The following JAK1 variants were observed in gnomAD, a reference collection of about 807,000 sequenced individuals.
JAK1 encodes the protein Janus kinase 1.
Under a neutral mutation model 136.6 loss-of-function variants are expected in JAK1, and 16 were observed. The observed-to-expected ratio is 0.12, with a 90% CI of 0.08 to 0.18. The LOEUF is 0.18. JAK1 is among the 10% of genes least tolerant of loss of function. The pLI is 1.00. For synonymous variants in JAK1, 492 were observed against 519.5 expected (o/e 0.95, Z 0.72); for missense variants, 859 against 1,450.1 (o/e 0.59, Z 6.62).
chr1:64,970,133 T>TAAAAAAA (rs1557735828), upstream of JAK1, among the ~76,000 whole-genome samples: 2 of 542 alleles, frequency 3.7e-3, no homozygotes, highest in Non-Finnish European at 5.2e-3. Context: ...AGACCCTGTC[T>TAAAAAAA]CAAAAAAAAA....
At chr1:65,063,804 C>CA (rs370192253) in intron 1 of JAK1, among the ~76,000 whole-genome samples, 6,635 of 80,742 alleles carry the variant, frequency 0.082, 231 homozygotes, top group Admixed American at 0.13. Flanking sequence ...GACTCTATCT[C>CA]AAAAAAAAAA....
chr1:64,846,650 C>T lies in JAK1; in HGVS notation c.1986G>A (p.Glu662=), dbSNP rs2101007814. The part of the protein sequence containing the change: ...YLYGVCVRDV[E]NIMVEEFVEG... The stretch of plus-strand genomic sequence containing the variant: ...CCCTTTGAAAGAGAACACACTTACT[C>T]TCCACGTCGCGGACACAGACGCCAT... Residue 662 remains glutamate, a splice_region_variant and synonymous_variant, in exon 14 of 25, where the codon GAG becomes GAA. Transcript: ENST00000342505. 1 of 1,613,004 alleles carries T rather than the reference C, an allele frequency of 6.2e-7. No homozygotes were observed. Among genetic ancestry groups the T allele is most frequent in the South Asian group, 1.1e-5 (1 of 90,970 alleles).
At chr1:64,944,581 C>G (rs1645949650) in intron 1 of JAK1, among the ~76,000 whole-genome samples, 1 of 152,110 alleles carries the variant, frequency 6.6e-6, no homozygotes, top group African/African-American at 2.4e-5. Flanking sequence ...TCCAGGAACA[C>G]AGAATCACGG....
chr1:64,838,413 AGG>A, intron 21 of JAK1, 50 bp downstream of exon 21: 1 of 1,589,102 alleles, frequency 6.3e-7, no homozygotes, highest in South Asian at 1.1e-5. Context: ...CCAATTACCC[AGG>A]ACAGAGTGCC....
chr1:65,045,138 A>G (rs1647172902), intron 1 of JAK1, among the ~76,000 whole-genome samples: 1 of 152,206 alleles, frequency 6.6e-6, no homozygotes, highest in Admixed American at 6.5e-5. Context: ...CACACTCACC[A>G]TGAGTTCTTG....
intron 3 of JAK1, 66 bp from the exon 4 acceptor site, chr1:64,879,214 C>A (rs2101218693): frequency 2.5e-6 from 4 of 1,578,596 alleles, no homozygotes; most frequent in Non-Finnish European, 3.5e-6. Context: ...TGTTTCTAAA[C>A]CCAATATATG....
chr1:64,994,703 G>A (rs1388956465), intron 2 of JAK1, among the ~76,000 whole-genome samples: 4 of 152,096 alleles, frequency 2.6e-5, no homozygotes, highest in African/African-American at 4.8e-5. Flanking sequence ...CATTCAAACC[G>A]CAACAGAACA....
At chr1:64,949,689 T>A (rs1218371221) in intron 1 of JAK1, among the ~76,000 whole-genome samples, 1 of 152,242 alleles carries the variant, frequency 6.6e-6, no homozygotes, top group Non-Finnish European at 1.5e-5. Context: ...AGCAGCTTCC[T>A]GCCAATGTTT....
chr1:64,866,974 T>C lies in JAK1; in HGVS notation c.882A>G (p.Ser294=), dbSNP rs760389234. The C allele has an allele frequency of 1.2e-6, 2 of 1,614,118 alleles. No individual in the cohort carries two copies. The highest frequency in any genetic ancestry group is 1.7e-6 in the Non-Finnish European group (2 of 1,180,030). The part of the protein sequence containing the change: ...EIFETSMLLI[S]SENEMNWFHS... Reference sequence around the variant, plus strand: ...GAAACCAATTCATCTCATTTTCTGATGAAATCAGTAACATGGAAGTCTCAA... The same window carrying C: ...GAAACCAATTCATCTCATTTTCTGACGAAATCAGTAACATGGAAGTCTCAA... Residue 294 remains serine, a synonymous_variant, in exon 7 of 25, where the codon TCA becomes TCG. Transcript: ENST00000342505.
chr1:64,891,829 G>A (rs1394280756), intron 1 of JAK1, among the ~76,000 whole-genome samples: 1 of 152,190 alleles, frequency 6.6e-6, no homozygotes, highest in African/African-American at 2.4e-5. Context: ...TGCCACTCCT[G>A]CCACACAGAA....
intron 2 of JAK1, among the ~76,000 whole-genome samples, chr1:65,006,478 C>T (rs1350684285): frequency 6.6e-6 from 1 of 152,188 alleles, no homozygotes; most frequent in East Asian, 1.9e-4. Context: ...CTGCCTCAGC[C>T]TCCTGAGTAG....
At chr1:64,940,093 GCAGGCACTACACA>G (rs1645860937) in intron 1 of JAK1, among the ~76,000 whole-genome samples, 1 of 152,086 alleles carries the variant, frequency 6.6e-6, no homozygotes, top group South Asian at 2.1e-4. Context: ...TCCTATGAGA[GCAGGCACTACACA>G]CAGGCATACT....
chr1:64,928,787 A>AAAAAAAAAAAAAAAAAC (rs1645631562), intron 1 of JAK1, among the ~76,000 whole-genome samples: 11 of 92,468 alleles, frequency 1.2e-4, no homozygotes, highest in Admixed American at 2.4e-4. Flanking sequence ...GCAAAAAAAA[A>AAAAAAAAAAAAAAAAAC]AAAAAAAAAC....
chr1:65,031,458 A>G (rs942143987), intron 2 of JAK1, among the ~76,000 whole-genome samples: 1 of 152,172 alleles, frequency 6.6e-6, no homozygotes, highest in Non-Finnish European at 1.5e-5. Context: ...GTCAATGAAA[A>G]GCTGAGGAAC....
chr1:65,044,706 A>C (rs1015964109), intron 1 of JAK1, among the ~76,000 whole-genome samples: 1 of 152,184 alleles, frequency 6.6e-6, no homozygotes, highest in Non-Finnish European at 1.5e-5. Flanking sequence ...GCCAACGGCA[A>C]GGGGAGAGAT....
At chr1:64,955,648 T>A (rs997070397) in intron 1 of JAK1, among the ~76,000 whole-genome samples, 1 of 152,228 alleles carries the variant, frequency 6.6e-6, no homozygotes, top group Non-Finnish European at 1.5e-5. Flanking sequence ...TAAAGGCTTG[T>A]GATCAGTAGT....
chr1:64,940,568 C>T lies in JAK1; in HGVS notation c.-78+25765G>A, dbSNP rs993421246. ...TGGGGCTCAAGTGATCTGCCCACCT[C>T]GGCCTCCCAAACTGCTGGGGTTACA... On this transcript the variant is annotated intron_variant, in intron 1 of 24. Coordinates refer to ENST00000342505, the MANE Select transcript of JAK1 (RefSeq NM_002227.4). 3.3e-5 allele frequency among the ~76,000 whole-genome samples: 5 copies of T among 152,202 alleles called. No individual in the cohort carries two copies. The East Asian group carries it at 5.8e-4, about 18-fold the overall frequency.
intron 1 of JAK1, among the ~76,000 whole-genome samples, chr1:64,935,501 A>G (rs1486573080): frequency 6.6e-6 from 1 of 152,044 alleles, no homozygotes; most frequent in Admixed American, 6.5e-5. Context: ...GGGTTTCGCC[A>G]TGTTGGTCAG....
intron 3 of JAK1, among the ~76,000 whole-genome samples, 200 bp from the exon 4 acceptor site, chr1:64,879,348 C>T (rs902815196): frequency 6.6e-6 from 1 of 152,116 alleles, no homozygotes; most frequent in African/African-American, 2.4e-5. Flanking sequence ...CTATGACTCC[C>T]CAGAAATATG....
Sources: allele counts gnomAD v4.1 joint callset (sites outside exome capture counted in the v4.1 genomes callset), GRCh38; gene constraint gnomAD v4.1.1; transcripts MANE v1.5; gene names NCBI Gene and HGNC (gene_info 2026-07-23, HGNC 2026-07-21).